Variants in PADI6 observed in about 807,000 individuals in gnomAD.
PADI6 encodes the protein inactive protein-arginine deiminase type-6.
In PADI6, 66 loss-of-function variants were observed where a neutral mutation model predicts 78.2. That is an observed-to-expected ratio of 0.84 (90% CI 0.69 to 1.04). The LOEUF is 1.04. Ranked by LOEUF, PADI6 falls within the 50% of genes least tolerant of loss-of-function variation. The pLI is 0.00. For missense variants in PADI6, 854 were observed against 866.1 expected, an observed-to-expected ratio of 0.99 and a Z score of 0.18; for synonymous variants, 397 against 346.9, an observed-to-expected ratio of 1.14 and a Z score of -1.60.
intron 15 of PADI6, 94 bp from the exon 16 acceptor site, chr1:17,401,111 C>T (rs1305270225): frequency 8.5e-7 from 1 of 1,181,638 alleles, no homozygotes; most frequent in African/African-American, 1.5e-5. Flanking sequence ...TGCCTGCCTG[C>T]TACGCCTGGT....
intron 3 of PADI6, among the ~76,000 whole-genome samples, chr1:17,379,609 G>C (rs934316345): frequency 2.6e-5 from 4 of 152,170 alleles, no homozygotes; most frequent in Admixed American, 2.0e-4. Flanking sequence ...GACTAGAGAG[G>C]TAGACTTTGC....
Position 17,401,540 on chromosome 1 carries a change from G to A in PADI6, c.*102G>A, listed in dbSNP as rs2075301493. 1 of 1,101,064 alleles carries A rather than the reference G, an allele frequency of 9.1e-7. No individual in the cohort carries two copies. 68.2% of individuals were successfully genotyped at this position (1,101,064 alleles called of 1,614,324 possible). ...CCAGTAGAGGAGGCTGGAGAGTCCA[G>A]GCAACAGAACCCTTTCTTCCCTGTC... is the stretch of plus-strand genomic sequence containing the variant. On this transcript the variant is annotated 3_prime_UTR_variant, in exon 16 of 16. Coordinates refer to ENST00000619609, the MANE Select transcript of PADI6 (RefSeq NM_207421.4).
At chr1:17,393,877 T>G in intron 9 of PADI6, 98 bp from the exon 10 acceptor site, 1 of 1,039,226 alleles carries the variant, frequency 9.6e-7, no homozygotes, top group Admixed American at 1.9e-5. Flanking sequence ...TGAGCAGGAG[T>G]TGGCAGGAAG....
intron 3 of PADI6, 40 bp from the exon 4 acceptor site, chr1:17,379,880 C>G (rs370677153): frequency 1.4e-5 from 22 of 1,580,728 alleles, no homozygotes; most frequent in Middle Eastern, 3.3e-4. Flanking sequence ...TTCCATCTGG[C>G]AGGTCAAGGT....
Position 17,375,460 on chromosome 1 carries a change from G to A in PADI6, c.328G>A (p.Ala110Thr), listed in dbSNP as rs1259537910. 2 of 1,610,858 alleles carry A rather than the reference G, an allele frequency of 1.2e-6. No homozygotes were observed. The highest frequency in any genetic ancestry group is 1.1e-5 in the South Asian group (1 of 90,302). ...SVTYYGPNED[A>T]PVGTAVLYLT... is the part of the protein sequence containing the mutation. ...CACATACTATGGGCCCAACGAGGAT[G>A]CCCCCGTGGGCACAGCTGTGCTGTA... is the stretch of plus-strand genomic sequence containing the variant. The change falls in exon 3 of 16, where the codon GCC becomes ACC. Residue 110 changes from alanine (A) to threonine (T), a missense_variant. Ala to Thr is a moderately conservative substitution (Grantham distance 58, BLOSUM62 0). Coordinates refer to ENST00000619609, the MANE Select transcript of PADI6 (RefSeq NM_207421.4).
rs774715000 is a variant in PADI6, at chr1:17,388,843, C to T, written c.925C>T (p.Pro309Ser). 1.9e-6 allele frequency: 3 copies of T among 1,613,684 alleles called. No individual in the cohort carries two copies. Among genetic ancestry groups the T allele is most frequent in the African/African-American group, 2.7e-5 (2 of 74,930 alleles). Residue 309 changes from proline (P) to serine (S), a missense_variant, in exon 8 of 16, where the codon CCC becomes TCC. Physicochemically the swap from Pro to Ser is moderately conservative, Grantham distance 74. Coordinates refer to ENST00000619609, the MANE Select transcript of PADI6 (RefSeq NM_207421.4). ...CCGGGTGGCTCCCTGTGTCTTCATT[C>T]CCTGTACCCAGGTGCCTCTGGAGGT... ...VFRVAPCVFI[P>S]CTQVPLEVYL...
intron 4 of PADI6, 126 bp downstream of exon 4, chr1:17,380,113 G>A (rs542371115): frequency 2.3e-5 from 20 of 864,314 alleles, no homozygotes; most frequent in African/African-American, 1.5e-4. Context: ...GATTAGATAC[G>A]TGGAGGGGAG....
chr1:17,376,446 C>T (rs1294540030), intron 3 of PADI6, among the ~76,000 whole-genome samples: 2 of 150,464 alleles, frequency 1.3e-5, no homozygotes, highest in African/African-American at 4.9e-5. Context: ...ACTATAGGTA[C>T]CCGCCACCAT....
chr1:17,373,304 C>A, intron 2 of PADI6, 71 bp downstream of exon 2: 1 of 1,547,490 alleles, frequency 6.5e-7, no homozygotes, highest in Non-Finnish European at 8.8e-7. Flanking sequence ...GGGCTTCCTC[C>A]TGGCTGCAGA....
At chr1:17,401,094 A>C (rs774140545) in intron 15 of PADI6, 111 bp from the exon 16 acceptor site, 33 of 880,924 alleles carry the variant, frequency 3.7e-5, no homozygotes, top group Non-Finnish European at 5.7e-5. Context: ...GACCTGGAGG[A>C]GGCGGCTGCC....
chr1:17,385,859 C>T (rs189233569), intron 6 of PADI6, among the ~76,000 whole-genome samples: 1 of 152,290 alleles, frequency 6.6e-6, no homozygotes, highest in Admixed American at 6.5e-5. Context: ...AGGGTACCCA[C>T]CTTCCTGTAA....
At position 17,381,074 on chromosome 1, in the gene PADI6, TG is replaced by T; in HGVS notation, c.467del (p.Gly156ValfsTer6). On this transcript the variant is annotated frameshift_variant, in exon 5 of 16. Transcript: ENST00000619609. LOFTEE classifies it high-confidence loss of function. ...KKKWIWGPSG[W>X]GAILLVNCNP... ...AAAATGGATCTGGGGTCCCAGCGGTTGGGGTGCCATCCTGCTTGTGAATTGC... is the reference window on the plus strand; with the variant it reads ...AAAATGGATCTGGGGTCCCAGCGGTTGGGTGCCATCCTGCTTGTGAATTGC... 1 of 1,606,994 alleles carries T rather than the reference TG, an allele frequency of 6.2e-7. No homozygotes were observed. The highest frequency in any genetic ancestry group is 2.2e-5 in the East Asian group (1 of 44,690).
At chr1:17,373,857 C>G (rs34543932) in intron 2 of PADI6, among the ~76,000 whole-genome samples, 1 of 152,104 alleles carries the variant, frequency 6.6e-6, no homozygotes, top group South Asian at 2.1e-4. Flanking sequence ...AGTAGCCTAC[C>G]TAGAGTGGGA....
Position 17,388,508 on chromosome 1 carries a change from C to G in PADI6, c.807C>G (p.Phe269Leu). The change falls in exon 7 of 16, where the codon TTC (phenylalanine) becomes TTG (leucine). Residue 269 changes from phenylalanine (F) to leucine (L), a missense_variant. Phe to Leu is a conservative substitution (Grantham distance 22). Transcript: ENST00000619609. ...VEAIAFPSAEFSGLISYSVSL... is the reference protein window; with the variant it reads ...VEAIAFPSAELSGLISYSVSL... ...CTATAGCATTCCCATCTGCCGAATT[C>G]TCAGGCCTCATCTCCTACTCTGTGT... 1 of 1,613,576 alleles carries G rather than the reference C, an allele frequency of 6.2e-7. No homozygotes were observed. Among genetic ancestry groups the G allele is most frequent in the Non-Finnish European group, 8.5e-7 (1 of 1,179,564 alleles).
intron 6 of PADI6, 123 bp downstream of exon 6, chr1:17,382,215 G>A: frequency 1.6e-6 from 2 of 1,258,452 alleles, no homozygotes; most frequent in Non-Finnish European, 2.2e-6. Context: ...CTGCAGATGA[G>A]AGGCTGTTGT....
chr1:17,385,290 G>GT (rs1412775350), intron 6 of PADI6, among the ~76,000 whole-genome samples: 1 of 152,226 alleles, frequency 6.6e-6, no homozygotes, highest in Non-Finnish European at 1.5e-5. Context: ...AGGTGCAAGA[G>GT]TGAGCTTTAA....
chr1:17,390,272 G>A (rs2075168948), intron 8 of PADI6, among the ~76,000 whole-genome samples: 6 of 151,988 alleles, frequency 3.9e-5, no homozygotes, highest in Admixed American at 3.9e-4. Flanking sequence ...CTGCACTGCA[G>A]CCTGGGAAAC....
At chr1:17,397,225 A>AG in intron 14 of PADI6, 84 bp downstream of exon 14, 1 of 1,487,712 alleles carries the variant, frequency 6.7e-7, no homozygotes, top group Non-Finnish European at 9.3e-7. Flanking sequence ...ACCCCTCCTG[A>AG]GGGGTGAAGT....
chr1:17,395,273 C>T (rs927048308), intron 12 of PADI6, among the ~76,000 whole-genome samples, 166 bp downstream of exon 12: 53 of 151,406 alleles, frequency 3.5e-4, no homozygotes, highest in African/African-American at 1.2e-3. Context: ...GCGTGATCTC[C>T]GCTCACTGCA....
Sources: gnomAD v4.1 joint callset for allele counts (sites outside exome capture counted in the v4.1 genomes callset) on GRCh38, gnomAD v4.1.1 for gene constraint, MANE v1.5 for transcripts, NCBI Gene and HGNC (gene_info 2026-07-23, HGNC 2026-07-21) for gene names.